Variants in GRID2 observed in about 807,000 individuals in gnomAD.
The protein encoded by GRID2 is glutamate ionotropic receptor delta type subunit 2, also known as glutamate receptor ionotropic, delta-2.
Under a neutral mutation model 114.8 loss-of-function variants are expected in GRID2, and 33 were observed. The observed-to-expected ratio is 0.29, with a 90% CI of 0.22 to 0.38. The LOEUF (loss-of-function observed/expected upper bound fraction) is 0.38, where lower values mean the gene tolerates loss of function less well. Among genes scored for constraint, GRID2 ranks in the 10% least tolerant of loss-of-function variants. GRID2 has a pLI of 1.00. For missense variants in GRID2, 1,184 were observed against 1,257.7 expected (o/e 0.94, Z 0.89); for synonymous variants, 505 against 449.9 (o/e 1.12, Z -1.55).
intron 9 of GRID2, among the ~76,000 whole-genome samples, chr4:93,414,625 CCTT>C (rs1453190823): frequency 6.7e-6 from 1 of 150,370 alleles, no homozygotes; most frequent in Non-Finnish European, 1.5e-5. Flanking sequence ...CTCACATATG[CCTT>C]CTTCTCATTA....
At chr4:92,467,308 A>G (rs1211831662) in intron 1 of GRID2, among the ~76,000 whole-genome samples, 2 of 151,972 alleles carry the variant, frequency 1.3e-5, no homozygotes, top group African/African-American at 2.4e-5. Context: ...AACACCTTAT[A>G]TATTATGTAT....
At chr4:92,485,858 G>A (rs773823134) in intron 1 of GRID2, among the ~76,000 whole-genome samples, 25 of 151,700 alleles carry the variant, frequency 1.6e-4, no homozygotes, top group Non-Finnish European at 2.8e-4. Flanking sequence ...TAAATTTTAC[G>A]TGGAATTTTA....
In GRID2 at chr4:93,772,152, A is replaced by G. The variant is rs368879805; in HGVS notation, c.2678A>G (p.Lys893Arg). The change falls in exon 16 of 16, where the codon AAA (lysine) becomes AGA (arginine). Residue 893 changes from lysine (K) to arginine (R), a missense_variant. Physicochemically the swap from Lys to Arg is conservative, Grantham distance 26 (BLOSUM62 2). Around this residue, in one of 3 missense-constraint regions of GRID2, gnomAD observed 717 missense variants for 796.9 expected, o/e 0.90. Transcript: ENST00000282020. Reference sequence around the variant, plus strand: ...TGCACAGATGACGACAGCCCCCATAAACAGTTTTCCACCTCGTCAATTGAT... The same window carrying G: ...TGCACAGATGACGACAGCCCCCATAGACAGTTTTCCACCTCGTCAATTGAT... ...SLCTDDDSPH[K>R]QFSTSSIDLT... The G allele has an allele frequency of 1.6e-5, 26 of 1,613,262 alleles. No individual in the cohort carries two copies. The highest frequency in any genetic ancestry group is 2.0e-5 in the Non-Finnish European group (24 of 1,179,398).
intron 2 of GRID2, among the ~76,000 whole-genome samples, chr4:93,041,868 A>G (rs1578827513): frequency 1.3e-5 from 2 of 152,098 alleles, no homozygotes; most frequent in Admixed American, 1.3e-4. Context: ...CTTTAGTGAC[A>G]AAAATATACA....
chr4:92,462,905 A>G (rs1427146180), intron 1 of GRID2, among the ~76,000 whole-genome samples: 1 of 151,996 alleles, frequency 6.6e-6, no homozygotes, highest in East Asian at 1.9e-4. Context: ...GTGCTTTCTT[A>G]CTATGAAAGA....
At chr4:93,736,559 G>A (rs1174057250) in intron 14 of GRID2, among the ~76,000 whole-genome samples, 1 of 151,998 alleles carries the variant, frequency 6.6e-6, no homozygotes, top group Non-Finnish European at 1.5e-5. Flanking sequence ...TACATTGTCA[G>A]GTTGATGTAC....
intron 2 of GRID2, among the ~76,000 whole-genome samples, chr4:92,625,525 T>C (rs1412959585): frequency 6.6e-6 from 1 of 151,864 alleles, no homozygotes; most frequent in Non-Finnish European, 1.5e-5. Flanking sequence ...TATGAGATAG[T>C]AATACACAGT....
At chr4:93,302,080 T>C (rs1380417090) in intron 8 of GRID2, among the ~76,000 whole-genome samples, 1 of 152,148 alleles carries the variant, frequency 6.6e-6, no homozygotes, top group East Asian at 1.9e-4. Context: ...AGGGAAAAAT[T>C]ACTTTCAAAG....
intron 14 of GRID2, among the ~76,000 whole-genome samples, chr4:93,632,825 G>C (rs1045638333): frequency 6.6e-6 from 1 of 152,032 alleles, no homozygotes; most frequent in South Asian, 2.1e-4. Context: ...CCATTTTCAC[G>C]ATGTTGATTC....
intron 8 of GRID2, among the ~76,000 whole-genome samples, chr4:93,337,351 TGCTTCA>T (rs146776294): frequency 5.0e-4 from 76 of 152,324 alleles, no homozygotes; most frequent in Admixed American, 1.1e-3. Flanking sequence ...GTTTCATGTT[TGCTTCA>T]GCTCCCCTGC....
chr4:93,217,677 GA>G (rs1217072350), intron 6 of GRID2, among the ~76,000 whole-genome samples: 2 of 151,466 alleles, frequency 1.3e-5, no homozygotes, highest in Admixed American at 1.3e-4. Context: ...CAAGAGACGG[GA>G]AAAAAATCAA....
chr4:93,440,155 A>G (rs1335253953), intron 10 of GRID2, among the ~76,000 whole-genome samples: 2 of 152,062 alleles, frequency 1.3e-5, no homozygotes, highest in African/African-American at 2.4e-5. Context: ...GCCATCAAAA[A>G]TGTTCCATGA....
At chr4:92,959,348 C>G (rs1350878393) in intron 2 of GRID2, among the ~76,000 whole-genome samples, 1 of 151,886 alleles carries the variant, frequency 6.6e-6, no homozygotes, top group African/African-American at 2.4e-5. Flanking sequence ...CCTGTAAGCA[C>G]TGCTTTCATT....
At chr4:92,936,023 C>G (rs139180573) in intron 2 of GRID2, among the ~76,000 whole-genome samples, 2,790 of 145,962 alleles carry the variant, frequency 0.019, 143 homozygotes, top group African/African-American at 0.065. Flanking sequence ...TACCCTAAAA[C>G]TTAAAGTATA....
intron 2 of GRID2, among the ~76,000 whole-genome samples, chr4:92,774,171 T>C (rs1414967128): frequency 2.0e-5 from 3 of 152,060 alleles, no homozygotes; most frequent in African/African-American, 7.2e-5. Context: ...AGACCTCACT[T>C]TAAGCTCAGA....
At chr4:93,167,817 T>G (rs1738397166) in intron 4 of GRID2, among the ~76,000 whole-genome samples, 1 of 152,182 alleles carries the variant, frequency 6.6e-6, no homozygotes, top group Admixed American at 6.6e-5. Context: ...TTAAAATTTC[T>G]AATATTTTAG....
At chr4:92,483,524 G>T (rs147828319) in intron 1 of GRID2, among the ~76,000 whole-genome samples, 1 of 152,036 alleles carries the variant, frequency 6.6e-6, no homozygotes, top group Non-Finnish European at 1.5e-5. Flanking sequence ...AAGCAATAAA[G>T]CTCTCGTTAC....
At chr4:93,485,090 G>C (rs1189120846) in intron 11 of GRID2, among the ~76,000 whole-genome samples, 2 of 151,710 alleles carry the variant, frequency 1.3e-5, no homozygotes, top group Admixed American at 1.3e-4. Flanking sequence ...ACTTGCTATT[G>C]TAAATCTTTT....
chr4:93,487,348 C>T lies in GRID2; in HGVS notation c.1859-3291C>T, dbSNP rs548231855. On this transcript the variant is annotated intron_variant, in intron 11 of 15. Transcript: ENST00000282020. ...TCACATTTAACTTGCTGATTTTTTTCAACTTCTTTAAATTGATGAGTAACT... is the reference window on the plus strand; with the variant it reads ...TCACATTTAACTTGCTGATTTTTTTTAACTTCTTTAAATTGATGAGTAACT... Among the ~76,000 whole-genome samples, 198 of 151,692 alleles carry T rather than the reference C, an allele frequency of 1.3e-3. 1 individual carries two copies. The highest frequency in any genetic ancestry group is 4.6e-3 in the African/African-American group (191 of 41,442).
Sources: gnomAD v4.1 joint callset for allele counts (sites outside exome capture counted in the v4.1 genomes callset) on GRCh38, gnomAD v4.1.1 for gene constraint, gnomAD v4.1.1 regional missense constraint, MANE v1.5 for transcripts, NCBI Gene and HGNC (gene_info 2026-07-23, HGNC 2026-07-21) for gene names.